Variants in SFI1 observed in about 807,000 individuals in gnomAD.
The protein encoded by SFI1 is SFI1 centrin binding protein, also known as protein SFI1 homolog.
SFI1 carries 195 observed loss-of-function variants against 207.5 expected under a neutral mutation model. That is an observed-to-expected ratio of 0.94 (90% CI 0.84 to 1.06). SFI1 has a LOEUF of 1.06. Among genes scored for constraint, SFI1 ranks in the 50% least tolerant of loss-of-function variants. The pLI is 0.00. For synonymous variants in SFI1, 630 were observed against 598.9 expected (o/e 1.05, Z -0.76); for missense variants, 1,634 against 1,588.0 (o/e 1.03, Z -0.49).
chr22:31,522,387 A>C (rs1474915953), intron 2 of SFI1, among the ~76,000 whole-genome samples: 3 of 152,150 alleles, frequency 2.0e-5, no homozygotes, highest in Non-Finnish European at 4.4e-5. Context: ...TGTACAATTT[A>C]GTACCATTAA....
chr22:31,611,107 C>T (rs2070036237), intron 22 of SFI1, 36 bp from the exon 23 acceptor site: 2 of 1,614,074 alleles, frequency 1.2e-6, no homozygotes, highest in Non-Finnish European at 1.7e-6. Context: ...GTGGAAATCC[C>T]ACAAAACAGC....
In SFI1 at chr22:31,617,578, G is replaced by A. The variant is rs557148400; in HGVS notation, c.3512+500G>A. On this transcript the variant is annotated intron_variant, in intron 31 of 32. Transcript: ENST00000400288. The stretch of plus-strand genomic sequence containing the variant: ...TCTACTAAAAATACAAAAATTAGCC[G>A]GGCATGGTGGTGCACGCATGTAGTC... Among the ~76,000 whole-genome samples, 7 of 152,112 alleles carry A rather than the reference G, an allele frequency of 4.6e-5. No individual in the cohort carries two copies. The South Asian group carries it at 6.2e-4, about 14-fold the overall frequency.
intron 15 of SFI1, among the ~76,000 whole-genome samples, chr22:31,597,632 C>A (rs971425310): frequency 1.3e-5 from 2 of 152,144 alleles, no homozygotes; most frequent in African/African-American, 4.8e-5. Flanking sequence ...AAATGCAAAC[C>A]AAGGGCCTAG....
chr22:31,590,889 T>C (rs1376384163), intron 15 of SFI1, among the ~76,000 whole-genome samples: 1 of 150,776 alleles, frequency 6.6e-6, no homozygotes, highest in African/African-American at 2.4e-5. Context: ...TAAATTTGAA[T>C]TGCTTCTCTC....
At chr22:31,498,501 A>G (rs2053143982) in intron 1 of SFI1, among the ~76,000 whole-genome samples, 3 of 151,378 alleles carry the variant, frequency 2.0e-5, no homozygotes. Flanking sequence ...AAATACAAAA[A>G]TTAGCTGGGT....
chr22:31,583,108 GTTGTTTGT>G (rs566148743), intron 12 of SFI1, among the ~76,000 whole-genome samples: 150 of 151,308 alleles, frequency 9.9e-4, no homozygotes, highest in African/African-American at 3.3e-3. Flanking sequence ...TTTTTTTGTT[GTTGTTTGT>G]TTGTTTGTTT....
At chr22:31,606,142 C>G (rs1392146616) in intron 20 of SFI1, 186 bp from the exon 21 acceptor site, 1 of 607,334 alleles carries the variant, frequency 1.6e-6, no homozygotes, top group African/African-American at 1.8e-5. Context: ...CAGCCCAGAG[C>G]AGCTGCTCAG....
chr22:31,587,113 G>A (rs5749307), intron 14 of SFI1, among the ~76,000 whole-genome samples: 150,606 of 152,290 alleles, frequency 0.99, 74,493 homozygotes, highest in Middle Eastern at 1. Context: ...ATATTCAGAG[G>A]AAAAAAAGAG....
At chr22:31,561,466 T>C in intron 8 of SFI1, 74 bp downstream of exon 8, 5 of 1,318,576 alleles carry the variant, frequency 3.8e-6, no homozygotes, top group Non-Finnish European at 4.2e-6. Context: ...AGGGCAGTGC[T>C]GGGCCTTCCC....
Position 31,589,807 on chromosome 22 carries a change from G to GTA in SFI1, c.1544+236_1544+237dup, listed in dbSNP as rs1351316770. ...ATTTATTTATTTTTTTTGTGTGTGT[G>GTA]TATATATGTATTTATTAAAAAAAAT... On this transcript the variant is annotated intron_variant, in intron 15 of 32. Coordinates refer to ENST00000400288, the MANE Select transcript of SFI1 (RefSeq NM_001007467.3). Among the ~76,000 whole-genome samples, 4 of 151,180 alleles carry GTA rather than the reference G, an allele frequency of 2.6e-5. No individual in the cohort carries two copies. The East Asian group carries it at 5.8e-4, about 22-fold the overall frequency.
intron 15 of SFI1, 150 bp downstream of exon 15, chr22:31,589,727 TCTAGCAGGAAAA>T: frequency 1.4e-6 from 1 of 730,498 alleles, no homozygotes; most frequent in South Asian, 3.2e-5. Context: ...ATTGATTTCA[TCTAGCAGGAAAA>T]GACAAGACAG....
intron 2 of SFI1, among the ~76,000 whole-genome samples, chr22:31,512,483 A>G (rs2055748480): frequency 6.6e-6 from 1 of 151,728 alleles, no homozygotes; most frequent in Admixed American, 6.6e-5. Context: ...GTATGTATTT[A>G]TAGGATACAA....
intron 2 of SFI1, among the ~76,000 whole-genome samples, chr22:31,528,255 T>TAA (rs941960487): frequency 3.4e-5 from 5 of 147,938 alleles, no homozygotes; most frequent in African/African-American, 9.9e-5. Flanking sequence ...CCTCATCTCT[T>TAA]AAAAAAAAAA....
At chr22:31,515,626 C>G (rs2056381579) in intron 2 of SFI1, among the ~76,000 whole-genome samples, 1 of 151,826 alleles carries the variant, frequency 6.6e-6, no homozygotes, top group South Asian at 2.1e-4. Context: ...CTCAAGTGAT[C>G]CTCCTGCCTC....
At chr22:31,524,058 C>T (rs944301735) in intron 2 of SFI1, among the ~76,000 whole-genome samples, 1 of 151,472 alleles carries the variant, frequency 6.6e-6, no homozygotes, top group African/African-American at 2.4e-5. Context: ...AAAAATTAGC[C>T]GGGCTTGGTG....
intron 16 of SFI1, 92 bp downstream of exon 16, chr22:31,602,385 G>C (rs2068259891): frequency 7.5e-7 from 1 of 1,329,792 alleles, no homozygotes. Context: ...AAGTTGCTCG[G>C]ACCTCACTGG....
At chr22:31,512,562 G>A (rs2055763756) in intron 2 of SFI1, among the ~76,000 whole-genome samples, 1 of 151,756 alleles carries the variant, frequency 6.6e-6, no homozygotes. Context: ...TGTCGCCCAG[G>A]CTGGAGTTGC....
chr22:31,592,788 G>T (rs1181445461), intron 15 of SFI1, among the ~76,000 whole-genome samples: 1 of 132,136 alleles, frequency 7.6e-6, no homozygotes, highest in Non-Finnish European at 1.6e-5. Context: ...CCCAGACGGG[G>T]CGGCTGGCCG....
intron 4 of SFI1, among the ~76,000 whole-genome samples, chr22:31,538,955 G>C (rs962864592): frequency 6.6e-6 from 1 of 152,042 alleles, no homozygotes; most frequent in African/African-American, 2.4e-5. Flanking sequence ...ACTCCACTGG[G>C]TGTCACACCA....
Sources: gnomAD v4.1 joint callset for allele counts (sites outside exome capture counted in the v4.1 genomes callset) on GRCh38, gnomAD v4.1.1 for gene constraint, MANE v1.5 for transcripts, NCBI Gene and HGNC (gene_info 2026-07-23, HGNC 2026-07-21) for gene names.